Variants in NCOA7 observed in about 807,000 individuals in gnomAD.
NCOA7 encodes the protein nuclear receptor coactivator 7, also known as 140 kDa estrogen receptor-associated protein.
In NCOA7, 45 loss-of-function variants were observed where a neutral mutation model predicts 104.3. The observed-to-expected ratio is 0.43, with a 90% CI of 0.34 to 0.55. The LOEUF (loss-of-function observed/expected upper bound fraction) is 0.55, where lower values mean the gene tolerates loss of function less well. Among genes scored for constraint, NCOA7 ranks in the 20% least tolerant of loss-of-function variants. The probability of loss-of-function intolerance (pLI) is 0.02; values close to 1 mark genes in which losing one functional copy is unlikely to be tolerated. For synonymous variants in NCOA7, 398 were observed against 402.3 expected (o/e 0.99, Z 0.13); for missense variants, 1,041 against 1,119.7 (o/e 0.93, Z 1.00).
rs772624374 is a variant in NCOA7 at position 125,889,180 on chromosome 6, TC to T, written c.1128del (p.Ser377LeufsTer11). 6.2e-7 allele frequency: 1 copy of T among 1,614,066 alleles called. No individual in the cohort carries two copies. The highest frequency in any genetic ancestry group is 2.2e-5 in the East Asian group (1 of 44,862). ...GTCAGAGAAATTAAAGAAACTGGAC[TC>T]CTCTAGGGAGACATCCCATGGTTCT... is the stretch of plus-strand genomic sequence containing the variant. ...SVSEKLKKLDSSRETSHGSPT... is the reference protein window; with the variant it reads ...SVSEKLKKLDXSRETSHGSPT... On this transcript the variant is annotated frameshift_variant, in exon 9 of 16. Coordinates refer to ENST00000392477, the MANE Select transcript of NCOA7 (RefSeq NM_181782.5). LOFTEE classifies it high-confidence loss of function.
chr6:125,817,278 TTGTC>T (rs1471323251), intron 2 of NCOA7, among the ~76,000 whole-genome samples: 1 of 152,220 alleles, frequency 6.6e-6, no homozygotes, highest in Non-Finnish European at 1.5e-5. Flanking sequence ...CCTGAGATAA[TTGTC>T]TGAGAGTGCA....
rs973793931 is a variant in NCOA7 at position 125,865,289 on chromosome 6, G to A, written c.272-9600G>A. Among the ~76,000 whole-genome samples the A allele has an allele frequency of 3.6e-5, 5 of 137,906 alleles. 2 individuals carry two copies. Among genetic ancestry groups the A allele is most frequent in the African/African-American group, 6.1e-5 (2 of 32,984 alleles). 90.5% of individuals were successfully genotyped at this position (137,906 alleles called of 152,430 possible). Reference sequence around the variant, plus strand: ...GCAGTAGTAGATTCTAGAGCAAAACGTTTTATAAGATTGGTAACTTCCCTG... The same window carrying A: ...GCAGTAGTAGATTCTAGAGCAAAACATTTTATAAGATTGGTAACTTCCCTG... On this transcript the variant is annotated intron_variant, in intron 3 of 15. Coordinates refer to ENST00000392477, the MANE Select transcript of NCOA7 (RefSeq NM_181782.5).
intron 10 of NCOA7, among the ~76,000 whole-genome samples, chr6:125,895,978 T>A (rs1330777566): frequency 2.0e-5 from 3 of 149,614 alleles, no homozygotes; most frequent in African/African-American, 7.4e-5. Context: ...TGTGTGTGTG[T>A]GTGTGTGTGT....
intron 2 of NCOA7, among the ~76,000 whole-genome samples, chr6:125,817,351 T>G (rs955521938): frequency 1.3e-5 from 2 of 152,244 alleles, no homozygotes; most frequent in Admixed American, 6.5e-5. Flanking sequence ...AATACTCTTT[T>G]CTGGAATGGT....
chr6:125,896,264 G>A (rs1288240325), intron 10 of NCOA7, among the ~76,000 whole-genome samples: 3 of 152,012 alleles, frequency 2.0e-5, no homozygotes, highest in African/African-American at 4.8e-5. Flanking sequence ...GCACATGAAA[G>A]TGTGTGACCA....
intron 1 of NCOA7, among the ~76,000 whole-genome samples, chr6:125,811,325 C>A (rs1194090614): frequency 6.6e-6 from 1 of 152,140 alleles, no homozygotes; most frequent in African/African-American, 2.4e-5. Context: ...GATTTTCTGC[C>A]TACTTATGTG....
intron 4 of NCOA7, among the ~76,000 whole-genome samples, chr6:125,877,333 C>G (rs543421992): frequency 6.6e-6 from 1 of 152,278 alleles, no homozygotes; most frequent in Non-Finnish European, 1.5e-5. Flanking sequence ...CCTCACATCT[C>G]CACATAATTC....
intron 1 of NCOA7, among the ~76,000 whole-genome samples, chr6:125,803,560 TA>T (rs1407842743): frequency 5.3e-5 from 8 of 152,186 alleles, no homozygotes; most frequent in African/African-American, 7.2e-5. Flanking sequence ...GAAAGCACAT[TA>T]AAAAAATGAT....
intron 1 of NCOA7, chr6:125,802,387 C>T (rs979044367): frequency 1.3e-5 from 2 of 152,138 alleles, no homozygotes; most frequent in African/African-American, 4.8e-5. Flanking sequence ...AAGCCGGATG[C>T]CAAAGCTGAG....
chr6:125,799,433 C>G (rs961642327), intron 1 of NCOA7, among the ~76,000 whole-genome samples: 39 of 139,076 alleles, frequency 2.8e-4, no homozygotes, highest in Admixed American at 1.0e-3. Flanking sequence ...TACTTTATTG[C>G]TTAGTTGTTC....
At position 125,885,074 on chromosome 6, in the gene NCOA7, GC is replaced by G. The variant is rs1784145600; in HGVS notation, c.700-83del. ...TGTGGTTCACAAAGTCCATGGAGTG[GC>G]CATCTGAGTTAATTAAAGCTCTGTG... On this transcript the variant is annotated intron_variant, in intron 7 of 15. Transcript: ENST00000392477. 6 of 1,383,316 alleles carry G rather than the reference GC, an allele frequency of 4.3e-6. No homozygotes were observed. In the Admixed American group the frequency reaches 7.0e-5, roughly 16 times the overall value. The allele number at this position is 1,383,316 out of a possible 1,614,324, so 85.7% of individuals were successfully genotyped here. A position where few individuals can be genotyped will look rare whatever the true frequency, so the allele number is the denominator to read the frequency against.
At position 125,857,855 on chromosome 6, in the gene NCOA7, G is replaced by C. The variant is rs991044283; in HGVS notation, c.271+2615G>C. The stretch of plus-strand genomic sequence containing the variant: ...CCCACTTTGGCTTCCTAAAGTGCTG[G>C]GATTACAGGCATGATCCACTGCACC... On this transcript the variant is annotated intron_variant, in intron 3 of 15. Transcript: ENST00000392477. 2.6e-5 allele frequency among the ~76,000 whole-genome samples: 4 copies of C among 151,796 alleles called. No individual in the cohort carries two copies. The East Asian group carries it at 7.7e-4, about 29-fold the overall frequency.
At position 125,865,204 on chromosome 6, in the gene NCOA7, T is replaced by C. The variant is rs557274798; in HGVS notation, c.272-9685T>C. Among the ~76,000 whole-genome samples, 16 of 139,022 alleles carry C rather than the reference T, an allele frequency of 1.2e-4. 3 individuals carry two copies. The highest frequency in any genetic ancestry group is 6.8e-4 in the Admixed American group (10 of 14,666). The allele number at this position is 139,022 out of a possible 152,430, so 91.2% of individuals were successfully genotyped here. A position where few individuals can be genotyped will look rare whatever the true frequency, so the allele number is the denominator to read the frequency against. ...TGCAGCCAGGATTCATACCCTGCCC[T>C]CTTTGGCACCAAAGCCTGACTTATT... is the stretch of plus-strand genomic sequence containing the variant. On this transcript the variant is annotated intron_variant, in intron 3 of 15. Coordinates refer to ENST00000392477, the MANE Select transcript of NCOA7 (RefSeq NM_181782.5).
At chr6:125,788,454 T>G (rs1774569181), upstream of NCOA7, among the ~76,000 whole-genome samples, 1 of 152,178 alleles carries the variant, frequency 6.6e-6, no homozygotes. Flanking sequence ...AATAAAAATG[T>G]TATAAGAAGC....
chr6:125,793,979 G>A (rs1051071649), intron 1 of NCOA7, among the ~76,000 whole-genome samples: 3 of 152,114 alleles, frequency 2.0e-5, no homozygotes, highest in Non-Finnish European at 2.9e-5. Context: ...CGGGGGGTTG[G>A]CTGAACAAAG....
chr6:125,895,981 GTGTGTGTGTC>G (rs1449485543), intron 10 of NCOA7, among the ~76,000 whole-genome samples: 1 of 149,430 alleles, frequency 6.7e-6, no homozygotes. Context: ...GTGTGTGTGT[GTGTGTGTGTC>G]TGTGTGTGTA....
At position 125,845,087 on chromosome 6, in the gene NCOA7, G is replaced by A. The variant is rs182776537; in HGVS notation, c.51-9933G>A. On this transcript the variant is annotated intron_variant, in intron 2 of 15. Coordinates refer to ENST00000392477, the MANE Select transcript of NCOA7 (RefSeq NM_181782.5). The stretch of plus-strand genomic sequence containing the variant: ...AGTACAAGACGATTCAAACACAAAC[G>A]TTTCTGCCCAAAGACTGAGCTCGTT... Among the ~76,000 whole-genome samples, 9 of 152,252 alleles carry A rather than the reference G, an allele frequency of 5.9e-5. No individual in the cohort carries two copies. In the East Asian group the frequency reaches 1.4e-3, roughly 23 times the overall value.
rs1486989633 is a variant in NCOA7 at position 125,931,101 on chromosome 6, G to A, written c.*2330G>A. 6.6e-6 allele frequency: 1 copy of A among 152,562 alleles called. No individual in the cohort carries two copies. The highest frequency in any genetic ancestry group is 1.5e-5 in the Non-Finnish European group (1 of 68,024). 9.5% of individuals were successfully genotyped at this position (152,562 alleles called of 1,614,324 possible). ...CAATATTTTCAATAAAGGACTTTAT[G>A]CATTCAGTGATTTTCTTTCCCAAAG... On this transcript the variant is annotated 3_prime_UTR_variant, in exon 16 of 16. Transcript: ENST00000392477.
At chr6:125,926,913 G>A (rs1046440093) in intron 13 of NCOA7, among the ~76,000 whole-genome samples, 1 of 152,316 alleles carries the variant, frequency 6.6e-6, no homozygotes, top group Admixed American at 6.5e-5. Flanking sequence ...AGAAGGATGA[G>A]ATGCTGAGGC....
Sources: gnomAD v4.1 joint callset for allele counts (sites outside exome capture counted in the v4.1 genomes callset) on GRCh38, gnomAD v4.1.1 for gene constraint, MANE v1.5 for transcripts, NCBI Gene and HGNC (gene_info 2026-07-23, HGNC 2026-07-21) for gene names.